Variants in CCR7 observed in about 807,000 individuals in gnomAD.
CCR7 encodes C-C motif chemokine receptor 7.
In CCR7, 11 loss-of-function variants were observed where a neutral mutation model predicts 26.0. The ratio of observed to expected loss-of-function variants is 0.42; its 90% confidence interval spans 0.27 to 0.70. CCR7 has a LOEUF of 0.70. Ranked by LOEUF, CCR7 falls within the 30% of genes least tolerant of loss-of-function variation. The pLI is 0.23. For synonymous variants in CCR7, 189 were observed against 202.1 expected (o/e 0.94, Z 0.55); for missense variants, 360 against 504.0 (o/e 0.71, Z 2.74).
At position 40,554,958 on chromosome 17, in the gene CCR7, G is replaced by A. The variant is rs765766833; in HGVS notation, c.921C>T (p.Ala307=). ...TCELSKQLNI[A]YDVTYSLACV... ...AGGCCAGGCTGTAGGTGACGTCGTA[G>A]GCGATGTTGAGTTGCTTACTGAGCT... is the stretch of plus-strand genomic sequence containing the variant. The change falls in exon 3 of 3, where the codon GCC becomes GCT. Residue 307 remains alanine (A), a synonymous_variant. Transcript: ENST00000246657. 3.1e-6 allele frequency: 5 copies of A among 1,614,254 alleles called. No individual in the cohort carries two copies. In the South Asian group the frequency reaches 5.5e-5, roughly 18 times the overall value.
In CCR7 at chr17:40,554,845, C is replaced by T. The variant is rs1315206470; in HGVS notation, c.1034G>A (p.Gly345Asp). The T allele has an allele frequency of 6.2e-7, 1 of 1,614,176 alleles. No individual in the cohort carries two copies. The highest frequency in any genetic ancestry group is 1.7e-5 in the Admixed American group (1 of 60,032). ...CCGGAGCTGCTCCTGGCTGAGGCAG[C>T]CCAGGTCCTTGAAGAGCTTGAAGAG... is the stretch of plus-strand genomic sequence containing the variant. ...NDLFKLFKDLGCLSQEQLRQW... is the reference protein window; with the variant it reads ...NDLFKLFKDLDCLSQEQLRQW... The change falls in exon 3 of 3, where the codon GGC (glycine) becomes GAC (aspartate). Residue 345 changes from glycine to aspartate, a missense_variant. Transcript: ENST00000246657.
rs367917287 is a variant in CCR7 at position 40,557,574 on chromosome 17, TG to T, written c.60+1318del. 2.1e-3 allele frequency among the ~76,000 whole-genome samples: 314 copies of T among 152,284 alleles called. 2 individuals are homozygous for T. Among genetic ancestry groups the T allele is most frequent in the African/African-American group, 6.9e-3 (288 of 41,564 alleles). ...CCCTTTCCTGGGCATGGCTGCAGCC[TG>T]GGAGCCCTGAAGGAGGCTGCTGCCT... is the stretch of plus-strand genomic sequence containing the variant. On this transcript the variant is annotated intron_variant, in intron 2 of 2. Transcript: ENST00000246657.
Position 40,554,707 on chromosome 17 carries a change from G to T in CCR7, c.*35C>A. The T allele has an allele frequency of 6.7e-7, 1 of 1,494,966 alleles. No homozygotes were observed. Among genetic ancestry groups the T allele is most frequent in the Non-Finnish European group, 9.1e-7 (1 of 1,098,006 alleles). The allele number at this position is 1,494,966 out of a possible 1,614,324, so 92.6% of individuals were successfully genotyped here. On this transcript the variant is annotated 3_prime_UTR_variant, in exon 3 of 3. Transcript: ENST00000246657. ...TCCCTATCCCCACCCCAGGGACCCT[G>T]GGAGAGGTCCCTCTAGTCCAGGCAG...
chr17:40,562,698 TTCC>T (rs1038239665), intron 1 of CCR7, among the ~76,000 whole-genome samples: 10 of 152,164 alleles, frequency 6.6e-5, no homozygotes, highest in African/African-American at 2.2e-4. Flanking sequence ...GCCTGCGTCC[TTCC>T]TCCTCATCTT....
At chr17:40,561,634 G>A (rs2036656876) in intron 1 of CCR7, among the ~76,000 whole-genome samples, 1 of 152,124 alleles carries the variant, frequency 6.6e-6, no homozygotes, top group African/African-American at 2.4e-5. Context: ...TTATTGGCTG[G>A]CTGCCCCCAT....
In CCR7 at chr17:40,565,403, G is replaced by A. The variant is rs1400258269; in HGVS notation, c.7C>T (p.Leu3=). MD[L]GKPMKSVLVV... is the part of the protein sequence containing the mutation. ...TCACATGAAGAGGCTCACTCACCCA[G>A]GTCCATGACGCTCTCTGGGCGGTAA... Residue 3 remains leucine (L), a synonymous_variant, in exon 1 of 3, where the codon CTG becomes TTG. Transcript: ENST00000246657. The A allele has an allele frequency of 1.9e-6, 3 of 1,613,408 alleles. No individual in the cohort carries two copies. The highest frequency in any genetic ancestry group is 2.2e-5 in the East Asian group (1 of 44,874).
chr17:40,558,938 T>C lies in CCR7; in HGVS notation c.15A>G (p.Lys5=). 6.2e-7 allele frequency: 1 copy of C among 1,611,660 alleles called. No homozygotes were observed. Among genetic ancestry groups the C allele is most frequent in the Non-Finnish European group, 8.5e-7 (1 of 1,179,042 alleles). The change falls in exon 2 of 3, where the codon AAA becomes AAG. Residue 5 remains lysine (K), a synonymous_variant. Coordinates refer to ENST00000246657, the MANE Select transcript of CCR7 (RefSeq NM_001838.4). ...CCACCACCAGCACGCTTTTCATTGGTTTCCCTGTAGGAGACAAGGCGAGAA... is the reference window on the plus strand; with the variant it reads ...CCACCACCAGCACGCTTTTCATTGGCTTCCCTGTAGGAGACAAGGCGAGAA... The part of the protein sequence containing the change: MDLG[K]PMKSVLVVAL...
chr17:40,560,291 G>C (rs1416209444), intron 1 of CCR7, among the ~76,000 whole-genome samples: 2 of 152,244 alleles, frequency 1.3e-5, no homozygotes, highest in Non-Finnish European at 2.9e-5. Flanking sequence ...TGGCCCACTG[G>C]AGAGTCAGTA....
chr17:40,565,404 G>T lies in CCR7; in HGVS notation c.6C>A (p.Asp2Glu). 6.2e-7 allele frequency: 1 copy of T among 1,613,332 alleles called. No homozygotes were observed. Among genetic ancestry groups the T allele is most frequent in the South Asian group, 1.1e-5 (1 of 91,062 alleles). Residue 2 changes from aspartate to glutamate, a missense_variant, in exon 1 of 3, where the codon GAC becomes GAA. By Grantham distance (45) the Asp-to-Glu change is conservative (BLOSUM62 2). Transcript: ENST00000246657. ...CACATGAAGAGGCTCACTCACCCAG[G>T]TCCATGACGCTCTCTGGGCGGTAAA... MDLGKPMKSVLV... is the reference protein window; with the variant it reads MELGKPMKSVLV...
rs1463406810 is a variant in CCR7 at position 40,554,461 on chromosome 17, GACTTTC to G, written c.*275_*280del. 7.0e-6 allele frequency: 3 copies of G among 430,180 alleles called. No individual in the cohort carries two copies. The highest frequency in any genetic ancestry group is 6.0e-5 in the African/African-American group (3 of 50,012). The allele number at this position is 430,180 out of a possible 1,614,324, so 26.6% of individuals were successfully genotyped here. A position where few individuals can be genotyped will look rare whatever the true frequency, so the allele number is the denominator to read the frequency against. On this transcript the variant is annotated 3_prime_UTR_variant, in exon 3 of 3. Transcript: ENST00000246657. ...CTCCAGCAGGTGGGAACAGTTTCTG[GACTTTC>G]ACTTTCAGTTTTTGGTTTAGGGGAC... is the stretch of plus-strand genomic sequence containing the variant.
At position 40,555,987 on chromosome 17, in the gene CCR7, C is replaced by G. The variant is rs564885875; in HGVS notation, c.61-169G>C. 5.3e-5 allele frequency among the ~76,000 whole-genome samples: 8 copies of G among 152,074 alleles called. No homozygotes were observed. The East Asian group carries it at 1.4e-3, about 26-fold the overall frequency. On this transcript the variant is annotated intron_variant, in intron 2 of 2. Transcript: ENST00000246657. This position sits in a 1 kb window ranked among gnomAD's most constrained non-coding sequence, Gnocchi z 5.6. ...GTGGTGCAATCATGGCTCCCTGCAG[C>G]CTCGGCCTCTCCAGGCTCAGGTGAT...
intron 1 of CCR7, among the ~76,000 whole-genome samples, chr17:40,563,951 G>T (rs983030752): frequency 2.0e-5 from 3 of 152,114 alleles, no homozygotes; most frequent in African/African-American, 7.2e-5. Context: ...CCTGGAGTCA[G>T]CTACCAGTGC....
intron 1 of CCR7, 75 bp from the exon 2 acceptor site, chr17:40,559,017 G>T: frequency 7.9e-7 from 1 of 1,267,482 alleles, no homozygotes; most frequent in South Asian, 1.4e-5. Context: ...AGTGGAGGGG[G>T]AGACGCTGTT....
chr17:40,561,782 C>A (rs1000249262), intron 1 of CCR7, among the ~76,000 whole-genome samples: 1 of 152,106 alleles, frequency 6.6e-6, no homozygotes, highest in African/African-American at 2.4e-5. Context: ...GCCAACACAA[C>A]TTTTCTCTCT....
intron 2 of CCR7, 142 bp downstream of exon 2, chr17:40,558,751 C>T (rs1415961336): frequency 1.3e-5 from 9 of 716,766 alleles, no homozygotes; most frequent in Non-Finnish European, 2.0e-5. Context: ...GGTGAGGGGG[C>T]AGCCATTAGC....
At position 40,554,032 on chromosome 17, in the gene CCR7, C is replaced by T. The variant is rs1456558680; in HGVS notation, c.*710G>A. 1 of 152,252 alleles carries T rather than the reference C, an allele frequency of 6.6e-6. No homozygotes were observed. The highest frequency in any genetic ancestry group is 1.5e-5 in the Non-Finnish European group (1 of 68,084). The allele number at this position is 152,252 out of a possible 1,614,324, so 9.4% of individuals were successfully genotyped here. ...GAGCCAAGAGCTGAGTGCATGTCATCCCCACTCTGGAGCCCAGAGTGTGGC... is the reference window on the plus strand; with the variant it reads ...GAGCCAAGAGCTGAGTGCATGTCATTCCCACTCTGGAGCCCAGAGTGTGGC... On this transcript the variant is annotated 3_prime_UTR_variant, in exon 3 of 3. Coordinates refer to ENST00000246657, the MANE Select transcript of CCR7 (RefSeq NM_001838.4).
chr17:40,555,525 C>T lies in CCR7; in HGVS notation c.354G>A (p.Ala118=), dbSNP rs199621619. 2.4e-4 allele frequency: 386 copies of T among 1,614,034 alleles called. 1 individual carries two copies. Among genetic ancestry groups the T allele is most frequent in the South Asian group, 4.6e-4 (42 of 91,076 alleles). ...GGACACCGAAGACCCAGGACTTGGCCGCGCTGTAGGCCCAGAAGGGAAGGG... is the reference window on the plus strand; with the variant it reads ...GGACACCGAAGACCCAGGACTTGGCTGCGCTGTAGGCCCAGAAGGGAAGGG... ...LLTLPFWAYS[A]AKSWVFGVHF... Residue 118 remains alanine, a synonymous_variant, in exon 3 of 3, where the codon GCG becomes GCA. Transcript: ENST00000246657. The surrounding 1 kb of genome is among the most constrained non-coding windows in gnomAD (Gnocchi z 5.6).
chr17:40,555,285 G>A lies in CCR7; in HGVS notation c.594C>T (p.Asp198=). The change falls in exon 3 of 3, where the codon GAC becomes GAT. Residue 198 remains aspartate (D), a synonymous_variant. Transcript: ENST00000246657. The surrounding 1 kb of genome is among the most constrained non-coding windows in gnomAD (Gnocchi z 5.6). ...VLSIPELLYS[D]LQRSSSEQAM... is the part of the protein sequence containing the mutation. Reference sequence around the variant, plus strand: ...CTTGCTCACTGCTGCTCCTCTGGAGGTCACTGTACAGGAGCTCTGGGATGG... The same window carrying A: ...CTTGCTCACTGCTGCTCCTCTGGAGATCACTGTACAGGAGCTCTGGGATGG... 1.9e-6 allele frequency: 3 copies of A among 1,614,184 alleles called. No homozygotes were observed. The highest frequency in any genetic ancestry group is 2.5e-6 in the Non-Finnish European group (3 of 1,180,042).
intron 1 of CCR7, among the ~76,000 whole-genome samples, chr17:40,561,782 C>T (rs1000249262): frequency 1.3e-5 from 2 of 152,106 alleles, no homozygotes; most frequent in Non-Finnish European, 2.9e-5. Flanking sequence ...GCCAACACAA[C>T]TTTTCTCTCT....
Sources: gnomAD v4.1 joint callset for allele counts (sites outside exome capture counted in the v4.1 genomes callset) on GRCh38, gnomAD v4.1.1 for gene constraint, Gnocchi (gnomAD v3.1) non-coding constraint, MANE v1.5 for transcripts, NCBI Gene and HGNC (gene_info 2026-07-23, HGNC 2026-07-21) for gene names.